The following PRKN variants were observed in gnomAD, a reference collection of about 807,000 sequenced individuals.
PRKN encodes E3 ubiquitin-protein ligase parkin.
A neutral mutation model predicts 59.5 loss-of-function variants in PRKN; 56 were observed. That is an observed-to-expected ratio of 0.94 (90% confidence interval 0.76 to 1.18). The LOEUF (loss-of-function observed/expected upper bound fraction) is 1.18, where lower values mean the gene tolerates loss of function less well. PRKN is among the 50% of genes most tolerant of loss of function. The pLI is 0.00. For synonymous variants in PRKN, 250 were observed against 222.1 expected (o/e 1.13, Z -1.12); for missense variants, 657 against 596.4 (o/e 1.10, Z -1.06).
At chr6:162,318,156 T>C (rs1253307094) in intron 2 of PRKN, among the ~76,000 whole-genome samples, 2 of 152,074 alleles carry the variant, frequency 1.3e-5, no homozygotes, top group African/African-American at 2.4e-5. Flanking sequence ...CTCATAAAAG[T>C]GGAATCATAC....
rs55778121 is a variant in PRKN at position 161,448,580 on chromosome 6, C to G, written c.1084-61703G>C. Among the ~76,000 whole-genome samples the G allele has an allele frequency of 0.21, 31,334 of 152,198 alleles. 3,591 individuals carry two copies. The highest frequency in any genetic ancestry group is 0.26 in the Non-Finnish European group (17,641 of 67,990). On this transcript the variant is annotated intron_variant, in intron 9 of 11. Coordinates refer to ENST00000366898, the MANE Select transcript of PRKN (RefSeq NM_004562.3). This position sits in a 1 kb window ranked among gnomAD's most constrained non-coding sequence, Gnocchi z 5.1. The stretch of plus-strand genomic sequence containing the variant: ...TCTTTCTTCTCTTCTTTCTCTTTCT[C>G]TGTCCCCCGAGGTAGCATCTATGCT...
At chr6:161,492,235 A>G (rs180964658) in intron 9 of PRKN, among the ~76,000 whole-genome samples, 8 of 152,322 alleles carry the variant, frequency 5.3e-5, no homozygotes, top group Admixed American at 1.3e-4. Context: ...TTTGCCAATG[A>G]TTTAAAGATG....
rs1790323483 is a variant in PRKN, at chr6:161,463,825, A to C, written c.1084-76948T>G. On this transcript the variant is annotated intron_variant, in intron 9 of 11. Coordinates refer to ENST00000366898, the MANE Select transcript of PRKN (RefSeq NM_004562.3). This position sits in a 1 kb window ranked among gnomAD's most constrained non-coding sequence, Gnocchi z 4.8. ...TCCAACATTTCCATCCAAATTTTGGAAGCACCTAAATCCAAGCCCTGCAAC... is the reference window on the plus strand; with the variant it reads ...TCCAACATTTCCATCCAAATTTTGGCAGCACCTAAATCCAAGCCCTGCAAC... Among the ~76,000 whole-genome samples the C allele has an allele frequency of 6.6e-6, 1 of 152,198 alleles. No homozygotes were observed. The highest frequency in any genetic ancestry group is 1.5e-5 in the Non-Finnish European group (1 of 68,034).
intron 9 of PRKN, among the ~76,000 whole-genome samples, chr6:161,412,085 C>CCTCACTCATTCCTCCA (rs1245754833): frequency 6.7e-5 from 10 of 150,032 alleles, no homozygotes; most frequent in African/African-American, 2.0e-4. Flanking sequence ...CTCATTCCTT[C>CCTCACTCATTCCTCCA]CTCACTCATT....
intron 4 of PRKN, among the ~76,000 whole-genome samples, chr6:162,120,803 G>A (rs1305446929): frequency 6.6e-6 from 1 of 152,198 alleles, no homozygotes; most frequent in South Asian, 2.1e-4. Context: ...GAAGGGCAAC[G>A]ATTAATATCT....
At position 161,414,991 on chromosome 6, in the gene PRKN, C is replaced by G. The variant is rs959498323; in HGVS notation, c.1084-28114G>C. Among the ~76,000 whole-genome samples, 2 of 152,214 alleles carry G rather than the reference C, an allele frequency of 1.3e-5. No individual in the cohort carries two copies. Among genetic ancestry groups the G allele is most frequent in the Admixed American group, 1.3e-4 (2 of 15,282 alleles). ...TCCTCAGAGGGAAGGACGGAGCCTGCCATTCTGCGGAGCGTCACCTGGTTC... is the reference window on the plus strand; with the variant it reads ...TCCTCAGAGGGAAGGACGGAGCCTGGCATTCTGCGGAGCGTCACCTGGTTC... On this transcript the variant is annotated intron_variant, in intron 9 of 11. Transcript: ENST00000366898. This position sits in a 1 kb window ranked among gnomAD's most constrained non-coding sequence, Gnocchi z 5.3.
chr6:162,213,801 C>CCA (rs1166081932), intron 3 of PRKN, among the ~76,000 whole-genome samples: 23 of 67,386 alleles, frequency 3.4e-4, no homozygotes, highest in Non-Finnish European at 6.1e-4. Context: ...CAAAAAAAAA[C>CCA]CATACACACA....
rs191481473 is a variant in PRKN, at chr6:162,216,025, G to A, written c.413-14773C>T. Among the ~76,000 whole-genome samples the A allele has an allele frequency of 1.1e-3, 164 of 152,192 alleles. 1 individual carries two copies. Among genetic ancestry groups the A allele is most frequent in the Admixed American group, 1.2e-3 (18 of 15,284 alleles). ...ATCGCACCACTGCACTCCAGCCTGC[G>A]CTACACAGTGAGACTCTGTCACAAG... On this transcript the variant is annotated intron_variant, in intron 3 of 11. Transcript: ENST00000366898.
At chr6:162,209,970 G>T (rs922399329) in intron 3 of PRKN, among the ~76,000 whole-genome samples, 2 of 151,910 alleles carry the variant, frequency 1.3e-5, no homozygotes, top group African/African-American at 2.4e-5. Flanking sequence ...GATGGGGAGA[G>T]GGGGGAGGGA....
intron 2 of PRKN, among the ~76,000 whole-genome samples, chr6:162,400,598 T>C (rs983089851): frequency 3.9e-5 from 6 of 152,068 alleles, no homozygotes; most frequent in East Asian, 1.9e-4. Context: ...AGCTTAATAA[T>C]AGAACTAAGA....
chr6:161,561,340 C>G lies in PRKN; in HGVS notation c.933+8015G>C, dbSNP rs1010783539. 1.3e-5 allele frequency among the ~76,000 whole-genome samples: 2 copies of G among 151,980 alleles called. No homozygotes were observed. Among genetic ancestry groups the G allele is most frequent in the Non-Finnish European group, 2.9e-5 (2 of 67,992 alleles). On this transcript the variant is annotated intron_variant, in intron 8 of 11. Coordinates refer to ENST00000366898, the MANE Select transcript of PRKN (RefSeq NM_004562.3). This position sits in a 1 kb window ranked among gnomAD's most constrained non-coding sequence, Gnocchi z 5.0. ...GCACCAATTTTTTGGTTCCTAAGAC[C>G]AATGTAGGTAGGACCTGCCTCTCTC...
intron 2 of PRKN, among the ~76,000 whole-genome samples, chr6:162,407,878 T>TGGTTAA (rs1562740930): frequency 1.3e-5 from 2 of 152,020 alleles, no homozygotes; most frequent in Non-Finnish European, 2.9e-5. Flanking sequence ...TGGTTAAACT[T>TGGTTAA]ACTACATTTT....
At chr6:162,176,658 C>T (rs144758811) in intron 4 of PRKN, among the ~76,000 whole-genome samples, 167 of 152,016 alleles carry the variant, frequency 1.1e-3, no homozygotes, top group East Asian at 6.6e-3. Flanking sequence ...CCTTGATAAT[C>T]GACAGGTGAC....
rs1777384659 is a variant in PRKN, at chr6:161,487,862, TCCCTCCCTTCCCA to T, written c.1083+60979_1083+60991del. 6.6e-6 allele frequency among the ~76,000 whole-genome samples: 1 copy of T among 152,112 alleles called. No homozygotes were observed. The highest frequency in any genetic ancestry group is 6.6e-5 in the Admixed American group (1 of 15,266). On this transcript the variant is annotated intron_variant, in intron 9 of 11. Transcript: ENST00000366898. This position sits in a 1 kb window ranked among gnomAD's most constrained non-coding sequence, Gnocchi z 5.3. ...GGAATTTCCTGCCCTGCTCCTTGCC[TCCCTCCCTTCCCA>T]CCTCCCCCTACCTTCCTTCCTCTTT...
At chr6:161,850,199 G>T (rs1793369048) in intron 6 of PRKN, among the ~76,000 whole-genome samples, 1 of 152,032 alleles carries the variant, frequency 6.6e-6, no homozygotes, top group Admixed American at 6.6e-5. Flanking sequence ...AATAATATCT[G>T]CTAAGAAAAA....
intron 2 of PRKN, among the ~76,000 whole-genome samples, chr6:162,369,575 G>A (rs4709600): frequency 0.65 from 99,154 of 152,020 alleles, 33,706 homozygotes; most frequent in African/African-American, 0.84. Context: ...TCAATTAAGG[G>A]TTTTATTTAC....
At chr6:162,650,398 C>T (rs1778374710) in intron 1 of PRKN, among the ~76,000 whole-genome samples, 1 of 151,680 alleles carries the variant, frequency 6.6e-6, no homozygotes, top group African/African-American at 2.4e-5. Flanking sequence ...GAGATCGAGA[C>T]CATCCCGGCT....
chr6:161,976,269 A>T (rs1216547698), intron 5 of PRKN, among the ~76,000 whole-genome samples: 2 of 152,148 alleles, frequency 1.3e-5, no homozygotes, highest in Non-Finnish European at 2.9e-5. Context: ...ATTCTTCACT[A>T]CAAGTCTCAC....
intron 6 of PRKN, among the ~76,000 whole-genome samples, chr6:161,883,932 C>T (rs985687659): frequency 1.3e-5 from 2 of 152,172 alleles, no homozygotes; most frequent in Non-Finnish European, 2.9e-5. Context: ...GGATTACAGG[C>T]ATGAGCCACT....
Sources: gnomAD v4.1 joint callset for allele counts (sites outside exome capture counted in the v4.1 genomes callset) on GRCh38, gnomAD v4.1.1 for gene constraint, Gnocchi (gnomAD v3.1) non-coding constraint, MANE v1.5 for transcripts, NCBI Gene and HGNC (gene_info 2026-07-23, HGNC 2026-07-21) for gene names.